FAF1: variants seen among roughly 807,000 people sequenced by gnomAD.
The protein encoded by FAF1 is Fas associated factor 1.
In FAF1, 25 loss-of-function variants were observed where a neutral mutation model predicts 92.5. That is an observed-to-expected ratio of 0.27 (90% CI 0.20 to 0.38). The LOEUF (loss-of-function observed/expected upper bound fraction) is 0.38, where lower values mean the gene tolerates loss of function less well. Among genes scored for constraint, FAF1 ranks in the 10% least tolerant of loss-of-function variants. FAF1 has a pLI of 1.00. For missense variants in FAF1, 636 were observed against 793.3 expected (o/e 0.80, Z 2.38); for synonymous variants, 234 against 273.2 (o/e 0.86, Z 1.42).
chr1:50,612,386 T>G, intron 8 of FAF1: 1 of 1,213,068 alleles, frequency 8.2e-7, no homozygotes, highest in Non-Finnish European at 1.0e-6. Flanking sequence ...GTTCCGTTAG[T>G]GGAGAAACCT....
intron 15 of FAF1, among the ~76,000 whole-genome samples, chr1:50,516,400 G>C (rs1453459854): frequency 6.6e-6 from 1 of 152,126 alleles, no homozygotes; most frequent in Non-Finnish European, 1.5e-5. Context: ...CATTTTTAGA[G>C]ATAAGTGGCA....
chr1:50,851,606 C>T (rs1373322375), intron 2 of FAF1, among the ~76,000 whole-genome samples: 3 of 152,164 alleles, frequency 2.0e-5, no homozygotes, highest in Non-Finnish European at 4.4e-5. Flanking sequence ...TGGGCACCAG[C>T]GTGTTCTGCT....
At chr1:50,707,761 A>G (rs1225436505) in intron 6 of FAF1, among the ~76,000 whole-genome samples, 1 of 152,160 alleles carries the variant, frequency 6.6e-6, no homozygotes, top group African/African-American at 2.4e-5. Flanking sequence ...ATTAAGCATA[A>G]TGTGTGGCAC....
At chr1:50,552,256 C>T (rs997746355) in intron 13 of FAF1, among the ~76,000 whole-genome samples, 3 of 149,790 alleles carry the variant, frequency 2.0e-5, no homozygotes, top group Admixed American at 6.6e-5. Context: ...GAGATTGTGC[C>T]ACTGCACTCC....
intron 7 of FAF1, among the ~76,000 whole-genome samples, chr1:50,698,734 C>T (rs193227673): frequency 2.6e-5 from 4 of 152,122 alleles, no homozygotes; most frequent in Admixed American, 2.6e-4. Flanking sequence ...TCCCTCCTCA[C>T]CCTATAACTT....
At chr1:50,916,249 A>T (rs2124727323) in intron 1 of FAF1, among the ~76,000 whole-genome samples, 1 of 152,328 alleles carries the variant, frequency 6.6e-6, no homozygotes, top group African/African-American at 2.4e-5. Context: ...TCTTGATAAC[A>T]TTCTGTAACT....
At chr1:50,485,690 A>C (rs1338884538) in intron 17 of FAF1, among the ~76,000 whole-genome samples, 3 of 150,288 alleles carry the variant, frequency 2.0e-5, no homozygotes, top group East Asian at 2.0e-4. Flanking sequence ...AAAAAAAAAA[A>C]AAAAAACCAA....
chr1:50,812,149 G>C (rs1363918511), intron 2 of FAF1, among the ~76,000 whole-genome samples: 1 of 152,118 alleles, frequency 6.6e-6, no homozygotes, highest in Non-Finnish European at 1.5e-5. Context: ...TCCTGGCAAA[G>C]ATTTCATGAC....
At chr1:50,797,719 T>C (rs892144367) in intron 3 of FAF1, among the ~76,000 whole-genome samples, 20 of 151,930 alleles carry the variant, frequency 1.3e-4, no homozygotes, top group Non-Finnish European at 2.1e-4. Context: ...AAGATACTAA[T>C]GGGAAACTGG....
At chr1:50,463,622 T>C (rs868768702) in intron 18 of FAF1, among the ~76,000 whole-genome samples, 47 of 152,346 alleles carry the variant, frequency 3.1e-4, no homozygotes, top group African/African-American at 1.1e-3. Flanking sequence ...TATCTATGCT[T>C]TAGGGTTGAA....
At chr1:50,903,437 CT>C (rs1414407595) in intron 1 of FAF1, among the ~76,000 whole-genome samples, 1 of 152,058 alleles carries the variant, frequency 6.6e-6, no homozygotes, top group African/African-American at 2.4e-5. Context: ...TTTTGTAGCT[CT>C]GTCATCTTAT....
At chr1:50,816,164 C>A (rs913254716) in intron 2 of FAF1, among the ~76,000 whole-genome samples, 2 of 149,448 alleles carry the variant, frequency 1.3e-5, no homozygotes, top group Admixed American at 6.7e-5. Context: ...TTTTGAGAAG[C>A]GGTCATTCAC....
intron 7 of FAF1, among the ~76,000 whole-genome samples, chr1:50,660,943 A>C (rs901453507): frequency 2.0e-5 from 3 of 152,180 alleles, no homozygotes; most frequent in Non-Finnish European, 2.9e-5. Context: ...TTTCGTGAAA[A>C]TACTGGAGTT....
chr1:50,928,137 T>C (rs1389651641), intron 1 of FAF1, among the ~76,000 whole-genome samples: 1 of 152,208 alleles, frequency 6.6e-6, no homozygotes, highest in African/African-American at 2.4e-5. Flanking sequence ...AAGTGAGCCC[T>C]GCTTGAGTCC....
At chr1:50,827,598 C>T (rs1161380614) in intron 2 of FAF1, among the ~76,000 whole-genome samples, 1 of 152,012 alleles carries the variant, frequency 6.6e-6, no homozygotes, top group Non-Finnish European at 1.5e-5. Flanking sequence ...ACATCCCCCT[C>T]TCCGAGAAAC....
intron 13 of FAF1, among the ~76,000 whole-genome samples, chr1:50,551,116 ATTT>A (rs751154761): frequency 5.0e-4 from 76 of 152,248 alleles, no homozygotes; most frequent in Admixed American, 9.8e-4. Context: ...ATCCAATTTT[ATTT>A]TTTATTTTCC....
At chr1:50,694,332 A>C (rs1187635558) in intron 7 of FAF1, among the ~76,000 whole-genome samples, 1 of 152,188 alleles carries the variant, frequency 6.6e-6, no homozygotes, top group Admixed American at 6.5e-5. Flanking sequence ...CTTTGATAAC[A>C]GAACACCAAA....
At chr1:50,888,839 T>C (rs1241339550) in intron 1 of FAF1, among the ~76,000 whole-genome samples, 1 of 152,142 alleles carries the variant, frequency 6.6e-6, no homozygotes, top group African/African-American at 2.4e-5. Context: ...TTTTGTTGTG[T>C]CTCTGCCAGG....
chr1:50,809,609 T>C (rs1156345927), intron 2 of FAF1, among the ~76,000 whole-genome samples: 2 of 152,016 alleles, frequency 1.3e-5, no homozygotes, highest in African/African-American at 4.8e-5. Flanking sequence ...AATTATGAAA[T>C]TGAATGACTA....
Sources: allele counts gnomAD v4.1 joint callset (sites outside exome capture counted in the v4.1 genomes callset), GRCh38; gene constraint gnomAD v4.1.1; transcripts MANE v1.5; gene names NCBI Gene and HGNC (gene_info 2026-07-23, HGNC 2026-07-21).